The following TTC28 variants were observed in gnomAD, a reference collection of about 807,000 sequenced individuals.
TTC28 encodes the protein tetratricopeptide repeat protein 28.
TTC28 carries 61 observed loss-of-function variants against 198.0 expected under a neutral mutation model. That is an observed-to-expected ratio of 0.31 (90% CI 0.25 to 0.38). The LOEUF (loss-of-function observed/expected upper bound fraction) is 0.38. TTC28 is among the 10% of genes least tolerant of loss of function. The pLI, the probability that TTC28 is intolerant of heterozygous loss-of-function variation, is 1.00. For synonymous variants in TTC28, 1,171 were observed against 1,297.8 expected (o/e 0.90, Z 2.10); for missense variants, 2,678 against 3,164.0 (o/e 0.85, Z 3.69).
chr22:28,046,342 C>T (rs73166785), intron 12 of TTC28, among the ~76,000 whole-genome samples: 37 of 152,298 alleles, frequency 2.4e-4, no homozygotes, highest in Non-Finnish European at 4.1e-4. Flanking sequence ...CTGAGACAGC[C>T]TACTACACAC....
chr22:28,109,828 A>G (rs1942435385), intron 6 of TTC28, among the ~76,000 whole-genome samples: 1 of 152,222 alleles, frequency 6.6e-6, no homozygotes, highest in Admixed American at 6.5e-5. Flanking sequence ...TGAGCTTTCC[A>G]GTGGTGACTA....
At chr22:28,292,316 T>C (rs2044803544) in intron 5 of TTC28, among the ~76,000 whole-genome samples, 1 of 152,108 alleles carries the variant, frequency 6.6e-6, no homozygotes, top group Admixed American at 6.5e-5. Context: ...GCCTCCTGAG[T>C]AGCTGGGATT....
chr22:28,329,341 G>C (rs926543151), intron 2 of TTC28, among the ~76,000 whole-genome samples: 1 of 152,034 alleles, frequency 6.6e-6, no homozygotes, highest in African/African-American at 2.4e-5. Context: ...CTGTTTCTCT[G>C]TCAGTGTACA....
intron 5 of TTC28, among the ~76,000 whole-genome samples, chr22:28,214,130 C>T (rs1253997952): frequency 2.0e-5 from 3 of 152,008 alleles, no homozygotes; most frequent in South Asian, 4.2e-4. Context: ...AAAATTAATT[C>T]AAGATGGGAT....
chr22:28,521,857 A>G (rs370103611), intron 2 of TTC28, among the ~76,000 whole-genome samples: 29 of 152,198 alleles, frequency 1.9e-4, no homozygotes, highest in African/African-American at 6.3e-4. Flanking sequence ...CGGGAATTGG[A>G]ATTCAGAACC....
chr22:27,987,780 C>A (rs959454118), intron 21 of TTC28, among the ~76,000 whole-genome samples: 1 of 152,212 alleles, frequency 6.6e-6, no homozygotes, highest in African/African-American at 2.4e-5. Flanking sequence ...CAAGGCTTGC[C>A]CTATGGCTTC....
At chr22:28,572,456 A>G (rs1413732864) in intron 2 of TTC28, among the ~76,000 whole-genome samples, 1 of 152,230 alleles carries the variant, frequency 6.6e-6, no homozygotes, top group Non-Finnish European at 1.5e-5. Flanking sequence ...TCTATAAAGG[A>G]TTGAAAATGA....
chr22:28,525,218 T>C (rs1341194883), intron 2 of TTC28, among the ~76,000 whole-genome samples: 3 of 152,188 alleles, frequency 2.0e-5, no homozygotes, highest in Non-Finnish European at 4.4e-5. Context: ...GGTGCAATCA[T>C]GGCTCACTGT....
At chr22:28,518,251 G>A (rs889195116) in intron 2 of TTC28, among the ~76,000 whole-genome samples, 16 of 152,132 alleles carry the variant, frequency 1.1e-4, no homozygotes, top group African/African-American at 3.4e-4. Flanking sequence ...GAACTGAGAT[G>A]TTATCTGGTT....
Position 28,572,836 on chromosome 22 carries a change from G to A in TTC28, c.381+56716C>T, listed in dbSNP as rs142934810. Among the ~76,000 whole-genome samples, 38 of 152,204 alleles carry A rather than the reference G, an allele frequency of 2.5e-4. No homozygotes were observed. The East Asian group carries it at 7.0e-3, about 28-fold the overall frequency. ...GCTATGCCTATAAGTTTTATGTACAGTTATGTAATGCTTCACAAAAAGTAA... is the reference window on the plus strand; with the variant it reads ...GCTATGCCTATAAGTTTTATGTACAATTATGTAATGCTTCACAAAAAGTAA... On this transcript the variant is annotated intron_variant, in intron 2 of 22. Coordinates refer to ENST00000397906, the MANE Select transcript of TTC28 (RefSeq NM_001145418.2).
chr22:28,159,831 G>A (rs1920987206), intron 6 of TTC28, among the ~76,000 whole-genome samples: 1 of 152,132 alleles, frequency 6.6e-6, no homozygotes, highest in Non-Finnish European at 1.5e-5. Flanking sequence ...ATCAACAGAT[G>A]AACAGATAAA....
chr22:28,459,595 C>A (rs1485101522), intron 2 of TTC28, among the ~76,000 whole-genome samples: 1 of 152,164 alleles, frequency 6.6e-6, no homozygotes, highest in Non-Finnish European at 1.5e-5. Flanking sequence ...TCTTAATTTT[C>A]GCAGAAAGCA....
chr22:28,479,911 G>T (rs912687953), intron 2 of TTC28, among the ~76,000 whole-genome samples: 3 of 152,074 alleles, frequency 2.0e-5, no homozygotes, highest in African/African-American at 7.2e-5. Flanking sequence ...CCATTAAAAT[G>T]AAACTGATTC....
intron 2 of TTC28, among the ~76,000 whole-genome samples, chr22:28,339,058 G>T (rs1424779276): frequency 6.6e-6 from 1 of 152,106 alleles, no homozygotes; most frequent in Non-Finnish European, 1.5e-5. Context: ...TTTTGGTGTG[G>T]ATGTCCTTTC....
At chr22:28,209,934 G>A (rs960643648) in intron 5 of TTC28, among the ~76,000 whole-genome samples, 1 of 152,190 alleles carries the variant, frequency 6.6e-6, no homozygotes, top group Non-Finnish European at 1.5e-5. Context: ...CCTCTGAGAC[G>A]AAGCTTCCAG....
intron 2 of TTC28, among the ~76,000 whole-genome samples, chr22:28,329,885 G>A (rs930168509): frequency 6.6e-5 from 10 of 152,156 alleles, no homozygotes; most frequent in Non-Finnish European, 1.2e-4. Context: ...GTCAAGTGAC[G>A]ATGGTGGAGA....
chr22:28,516,024 T>C (rs972750784), intron 2 of TTC28, among the ~76,000 whole-genome samples: 2 of 151,822 alleles, frequency 1.3e-5, no homozygotes, highest in Admixed American at 1.3e-4. Flanking sequence ...TGTGCACCTG[T>C]AATCCCAGCT....
At chr22:28,447,589 G>A (rs548124396) in intron 2 of TTC28, among the ~76,000 whole-genome samples, 4 of 152,216 alleles carry the variant, frequency 2.6e-5, no homozygotes, top group East Asian at 3.9e-4. Context: ...TTTTCTGAAC[G>A]CATCTGTGAA....
chr22:28,519,456 C>T (rs1394073560), intron 2 of TTC28, among the ~76,000 whole-genome samples: 1 of 152,184 alleles, frequency 6.6e-6, no homozygotes, highest in East Asian at 1.9e-4. Context: ...ACTCTCTCTA[C>T]TTATAAGATA....
Sources: allele counts gnomAD v4.1 joint callset (sites outside exome capture counted in the v4.1 genomes callset), GRCh38; gene constraint gnomAD v4.1.1; transcripts MANE v1.5; gene names NCBI Gene and HGNC (gene_info 2026-07-23, HGNC 2026-07-21).